The following NDFIP1 variants were observed in gnomAD, a reference collection of about 807,000 sequenced individuals.
NDFIP1 encodes the protein Nedd4 family interacting protein 1, also known as NEDD4 family-interacting protein 1.
In NDFIP1, 7 loss-of-function variants were observed where a neutral mutation model predicts 28.8. The observed-to-expected ratio is 0.24, with a 90% CI of 0.14 to 0.46. The LOEUF is 0.46. NDFIP1 is among the 20% of genes least tolerant of loss of function. NDFIP1 has a pLI of 0.99. For missense variants in NDFIP1, 194 were observed against 269.1 expected, an observed-to-expected ratio of 0.72 and a Z score of 1.95; for synonymous variants, 92 against 101.0, an observed-to-expected ratio of 0.91 and a Z score of 0.53.
At chr5:142,147,403 T>C (rs931446351) in intron 7 of NDFIP1, among the ~76,000 whole-genome samples, 2 of 152,202 alleles carry the variant, frequency 1.3e-5, no homozygotes, top group East Asian at 1.9e-4. Flanking sequence ...AAAACCGTCA[T>C]GTGAAGTAAG....
chr5:142,114,737 A>C (rs1385684807), intron 1 of NDFIP1, among the ~76,000 whole-genome samples: 3 of 152,244 alleles, frequency 2.0e-5, no homozygotes, highest in Non-Finnish European at 2.9e-5. Flanking sequence ...GTATGGAAAC[A>C]GGATTTGTCA....
At chr5:142,137,100 TTG>T (rs1757284752) in intron 4 of NDFIP1, among the ~76,000 whole-genome samples, 1 of 150,056 alleles carries the variant, frequency 6.7e-6, no homozygotes, top group African/African-American at 2.4e-5. Flanking sequence ...AAAGCAGAGG[TTG>T]TAAGTATACA....
chr5:142,122,743 A>G (rs1757133186), intron 1 of NDFIP1, among the ~76,000 whole-genome samples: 10 of 152,072 alleles, frequency 6.6e-5, no homozygotes. Flanking sequence ...ACCTTTTTGT[A>G]AGTTTATTGG....
chr5:142,136,858 A>G (rs1163452162), intron 4 of NDFIP1, among the ~76,000 whole-genome samples: 1 of 151,020 alleles, frequency 6.6e-6, no homozygotes, highest in Non-Finnish European at 1.5e-5. Flanking sequence ...CTGGGGCTAG[A>G]GGTTCAAGAC....
intron 1 of NDFIP1, among the ~76,000 whole-genome samples, chr5:142,129,202 C>A (rs993696953): frequency 2.6e-5 from 4 of 152,218 alleles, no homozygotes; most frequent in Non-Finnish European, 5.9e-5. Context: ...GCTGACTCTT[C>A]TGCTTCTTTT....
At chr5:142,115,109 C>T (rs979263619) in intron 1 of NDFIP1, among the ~76,000 whole-genome samples, 2 of 151,876 alleles carry the variant, frequency 1.3e-5, no homozygotes, top group Non-Finnish European at 2.9e-5. Flanking sequence ...AAAGTAAATC[C>T]TACCATGAGA....
At chr5:142,145,642 G>A (rs539772068) in intron 7 of NDFIP1, among the ~76,000 whole-genome samples, 3 of 152,246 alleles carry the variant, frequency 2.0e-5, no homozygotes, top group African/African-American at 7.2e-5. Context: ...AGAGTGAAGA[G>A]CAAAAATAGG....
intron 1 of NDFIP1, among the ~76,000 whole-genome samples, chr5:142,117,056 A>G (rs563277279): frequency 1.3e-5 from 2 of 152,204 alleles, no homozygotes; most frequent in South Asian, 4.2e-4. Context: ...GCAATTTAGC[A>G]TAATCTTTGA....
chr5:142,117,986 T>C (rs6887657), intron 1 of NDFIP1, among the ~76,000 whole-genome samples: 142,557 of 152,156 alleles, frequency 0.94, 66,846 homozygotes, highest in East Asian at 1. Flanking sequence ...ATTCCCCCAC[T>C]GACCTCCCAA....
In NDFIP1 at chr5:142,140,569, A is replaced by C; in HGVS notation, c.502A>C (p.Thr168Pro). ...GTTTTGCCTTATTTTTTAGTTTTCC[A>C]CCTATTTCCCTGGATATTTTGATGG... is the stretch of plus-strand genomic sequence containing the variant. ...IKWILIVRFS[T>P]YFPGYFDGQY... The change falls in exon 6 of 8, where the codon ACC (threonine) becomes CCC (proline). Residue 168 changes from threonine to proline, a missense_variant. Thr to Pro is a conservative substitution (Grantham distance 38, BLOSUM62 -1). Transcript: ENST00000253814. The C allele has an allele frequency of 1.2e-6, 2 of 1,609,512 alleles. No individual in the cohort carries two copies. Among genetic ancestry groups the C allele is most frequent in the Non-Finnish European group, 1.7e-6 (2 of 1,178,142 alleles).
intron 6 of NDFIP1, among the ~76,000 whole-genome samples, chr5:142,141,197 A>C (rs1271762896): frequency 2.6e-5 from 1 of 38,970 alleles, no homozygotes; most frequent in Non-Finnish European, 5.3e-5. Flanking sequence ...TTTTTTTTTT[A>C]CAGAGTCTTG....
chr5:142,137,457 A>G (rs1757288370), intron 4 of NDFIP1, among the ~76,000 whole-genome samples: 2 of 152,222 alleles, frequency 1.3e-5, no homozygotes, highest in Admixed American at 1.3e-4. Flanking sequence ...TGCTAGGATT[A>G]CAGATGTGAG....
intron 1 of NDFIP1, among the ~76,000 whole-genome samples, chr5:142,113,314 C>T (rs1026167136): frequency 1.3e-5 from 2 of 152,104 alleles, no homozygotes; most frequent in Non-Finnish European, 2.9e-5. Flanking sequence ...ATAGGTCAAA[C>T]CATATTCATG....
In NDFIP1 at chr5:142,132,322, A is replaced by T; in HGVS notation, c.262A>T (p.Ile88Phe). 1 of 1,613,986 alleles carries T rather than the reference A, an allele frequency of 6.2e-7. No individual in the cohort carries two copies. The highest frequency in any genetic ancestry group is 8.5e-7 in the Non-Finnish European group (1 of 1,179,964). ...GGAGAGGACCAAGGCTGAAGCTACT[A>T]TCCCTTTGGTTCCTGGGAGAGTGAG... is the stretch of plus-strand genomic sequence containing the variant. ...EAERTKAEAT[I>F]PLVPGRDEDF... Residue 88 changes from isoleucine (I) to phenylalanine (F), a missense_variant, in exon 3 of 8, where the codon ATC becomes TTC. Physicochemically the swap from Ile to Phe is conservative, Grantham distance 21 (BLOSUM62 0). Coordinates refer to ENST00000253814, the MANE Select transcript of NDFIP1 (RefSeq NM_030571.4).
intron 6 of NDFIP1, among the ~76,000 whole-genome samples, chr5:142,142,662 T>C (rs1166704761): frequency 1.3e-5 from 2 of 152,022 alleles, no homozygotes; most frequent in Non-Finnish European, 2.9e-5. Flanking sequence ...GCGTGGTGGC[T>C]CATGCCTGTA....
intron 1 of NDFIP1, among the ~76,000 whole-genome samples, chr5:142,126,353 C>T (rs1174680664): frequency 6.6e-6 from 1 of 152,156 alleles, no homozygotes; most frequent in Non-Finnish European, 1.5e-5. Context: ...AGAGTTCAAG[C>T]ATTGACCCAG....
At position 142,132,286 on chromosome 5, in the gene NDFIP1, TATG is replaced by T; in HGVS notation, c.231_233del (p.Asp77del). The T allele has an allele frequency of 6.2e-7, 1 of 1,614,210 alleles. No homozygotes were observed. The highest frequency in any genetic ancestry group is 8.5e-7 in the Non-Finnish European group (1 of 1,180,034). ...CAATGTAGCTACAACACTGCCCAGT[TATG>T]ATGAAGCGGAGAGGACCAAGGCTGA... On this transcript the variant is annotated inframe_deletion, in exon 3 of 8. Coordinates refer to ENST00000253814, the MANE Select transcript of NDFIP1 (RefSeq NM_030571.4).
intron 1 of NDFIP1, among the ~76,000 whole-genome samples, chr5:142,114,791 T>G (rs1295025527): frequency 1.3e-5 from 2 of 152,238 alleles, no homozygotes; most frequent in African/African-American, 2.4e-5. Flanking sequence ...TTGTATTGAT[T>G]GGGCTCACTC....
intron 7 of NDFIP1, among the ~76,000 whole-genome samples, chr5:142,149,495 A>G (rs1000855680): frequency 6.4e-5 from 9 of 140,630 alleles, no homozygotes; most frequent in African/African-American, 2.4e-4. Flanking sequence ...TACGGTCCAG[A>G]GTCCCTAAGA....
Sources: allele counts gnomAD v4.1 joint callset (sites outside exome capture counted in the v4.1 genomes callset), GRCh38; gene constraint gnomAD v4.1.1; transcripts MANE v1.5; gene names NCBI Gene and HGNC (gene_info 2026-07-23, HGNC 2026-07-21).